Variants in RSF1 observed in about 807,000 individuals in gnomAD.
RSF1 encodes the protein remodeling and spacing factor 1, also known as HBV pX-associated protein 8.
Under a neutral mutation model 145.2 loss-of-function variants are expected in RSF1, and 13 were observed. The ratio of observed to expected loss-of-function variants is 0.09; its 90% CI spans 0.06 to 0.14. RSF1 has a LOEUF of 0.14. Among genes scored for constraint, RSF1 ranks in the 10% least tolerant of loss-of-function variants. The probability of loss-of-function intolerance (pLI) is 1.00; values close to 1 mark genes in which losing one functional copy is unlikely to be tolerated. For missense variants in RSF1, 1,517 were observed against 1,718.2 expected (o/e 0.88, Z 2.07); for synonymous variants, 577 against 592.6 (o/e 0.97, Z 0.38).
chr11:77,749,545 C>T (rs1032086938), intron 2 of RSF1, among the ~76,000 whole-genome samples: 5 of 152,218 alleles, frequency 3.3e-5, no homozygotes, highest in African/African-American at 1.2e-4. Flanking sequence ...TATGGAAGCA[C>T]AGCCAATGGC....
the RSF1 span, among the ~76,000 whole-genome samples, chr11:77,861,594 TGGGCCTTCCAGTGATTC>T: frequency 1.3e-5 from 2 of 152,210 alleles, no homozygotes; most frequent in Non-Finnish European, 2.9e-5. Context: ...CCTGGGGCAG[TGGGCCTTCCAGTGATTC>T]CCTTGACATA....
chr11:77,788,292 T>C (rs1391860906), intron 1 of RSF1, among the ~76,000 whole-genome samples: 1 of 143,214 alleles, frequency 7.0e-6, no homozygotes, highest in African/African-American at 2.6e-5. Context: ...GACCCAGAAA[T>C]TACTGGTAAT....
the RSF1 span, among the ~76,000 whole-genome samples, chr11:77,833,007 A>ATTT: frequency 1.0e-3 from 53 of 51,946 alleles, 5 homozygotes; most frequent in African/African-American, 3.5e-3. Context: ...GTATATATAT[A>ATTT]TATTTTTTTT....
chr11:77,713,933 C>G (rs1463968575), intron 5 of RSF1, among the ~76,000 whole-genome samples: 2 of 152,174 alleles, frequency 1.3e-5, no homozygotes, highest in African/African-American at 2.4e-5. Flanking sequence ...GAGATTTGAA[C>G]TTGCTCCCTT....
At chr11:77,813,425 G>T in intron 1 of RSF1, 2 of 1,210,530 alleles carry the variant, frequency 1.7e-6, no homozygotes, top group Non-Finnish European at 2.4e-6. Context: ...AGTCGCTTGT[G>T]GATTCTCATC....
At chr11:77,686,046 G>A (rs1959995486) in intron 9 of RSF1, among the ~76,000 whole-genome samples, 1 of 152,110 alleles carries the variant, frequency 6.6e-6, no homozygotes, top group Non-Finnish European at 1.5e-5. Context: ...AGGAAATACA[G>A]ACTTGAGCCA....
chr11:77,692,770 C>T (rs996713890), intron 8 of RSF1, among the ~76,000 whole-genome samples: 48 of 150,750 alleles, frequency 3.2e-4, no homozygotes, highest in African/African-American at 1.0e-3. Flanking sequence ...CTCTGTCTCC[C>T]GGGTTCAATC....
Position 77,701,945 on chromosome 11 carries a change from G to A in RSF1, c.1284C>T (p.Ile428=), listed in dbSNP as rs147338942. The change falls in exon 6 of 16, where the codon ATC becomes ATT. Residue 428 remains isoleucine, a synonymous_variant. Transcript: ENST00000308488. ...IKQEEETCKR[I]STITALGHEG... ...CATGACCCAAAGCAGTGATTGTAGAGATCCTTTTACAAGTCTCTTCCTCTT... is the reference window on the plus strand; with the variant it reads ...CATGACCCAAAGCAGTGATTGTAGAAATCCTTTTACAAGTCTCTTCCTCTT... 115 of 1,613,438 alleles carry A rather than the reference G, an allele frequency of 7.1e-5. No individual in the cohort carries two copies. Among genetic ancestry groups the A allele is most frequent in the Non-Finnish European group, 9.0e-5 (106 of 1,179,890 alleles).
intron 1 of RSF1, among the ~76,000 whole-genome samples, chr11:77,786,680 C>T (rs535625638): frequency 6.6e-6 from 1 of 152,242 alleles, no homozygotes; most frequent in Admixed American, 6.5e-5. Flanking sequence ...AGGCATATTA[C>T]ATCAAGATGG....
intron 5 of RSF1, among the ~76,000 whole-genome samples, chr11:77,720,609 G>A (rs1283786224): frequency 6.6e-6 from 1 of 152,142 alleles, no homozygotes; most frequent in African/African-American, 2.4e-5. Flanking sequence ...CTGATGCCAC[G>A]ACTAGCCCTA....
intron 15 of RSF1, 50 bp downstream of exon 15, chr11:77,671,992 G>T: frequency 1.4e-6 from 2 of 1,439,548 alleles, no homozygotes; most frequent in Non-Finnish European, 1.9e-6. Flanking sequence ...ACTTTATAAT[G>T]TCTATTTTGC....
intron 4 of RSF1, among the ~76,000 whole-genome samples, chr11:77,738,432 A>G (rs1471872862): frequency 6.6e-6 from 1 of 152,238 alleles, no homozygotes; most frequent in African/African-American, 2.4e-5. Flanking sequence ...TTTACAATGC[A>G]TTAAGTATTA....
chr11:77,787,181 T>C (rs1248670554), intron 1 of RSF1, among the ~76,000 whole-genome samples: 1 of 151,984 alleles, frequency 6.6e-6, no homozygotes, highest in Non-Finnish European at 1.5e-5. Context: ...ATAAAGGGAA[T>C]AGCACCCAAC....
rs942487786 is a variant in RSF1 at position 77,664,104 on chromosome 11, T to C, written c.*2813A>G. The C allele has an allele frequency of 5.3e-5, 8 of 152,194 alleles. No individual in the cohort carries two copies. The highest frequency in any genetic ancestry group is 6.6e-5 in the Admixed American group (1 of 15,264). 9.4% of individuals were successfully genotyped at this position (152,194 alleles called of 1,614,324 possible). ...TACAGAACATTTCGTTTTCTAAAAT[T>C]TTTTAACTTCTTCAGAATACCTTCA... On this transcript the variant is annotated 3_prime_UTR_variant, in exon 16 of 16. Transcript: ENST00000308488.
intron 4 of RSF1, among the ~76,000 whole-genome samples, chr11:77,733,839 G>A (rs1961268888): frequency 6.6e-6 from 1 of 152,174 alleles, no homozygotes; most frequent in African/African-American, 2.4e-5. Flanking sequence ...TGAGGTTATA[G>A]GTGTGAGCCA....
chr11:77,745,486 A>G (rs953320871), intron 3 of RSF1, among the ~76,000 whole-genome samples: 1 of 149,288 alleles, frequency 6.7e-6, no homozygotes, highest in Non-Finnish European at 1.5e-5. Flanking sequence ...ATTTCTCTCA[A>G]GAGTTTTAAA....
At position 77,740,934 on chromosome 11, in the gene RSF1, G is replaced by A. The variant is rs776618770; in HGVS notation, c.375C>T (p.Tyr125=). The stretch of plus-strand genomic sequence containing the variant: ...TGTCATCAAACTGACACTCACAGAG[G>A]TACTGAAAAATAGTCATAACATGAC... ...SVECKLALLK[Y]LCECQFDDNL... Residue 125 remains tyrosine, a splice_region_variant and synonymous_variant, in exon 4 of 16, where the codon TAC becomes TAT. Transcript: ENST00000308488. The A allele has an allele frequency of 7.5e-6, 12 of 1,610,138 alleles. No individual in the cohort carries two copies. The highest frequency in any genetic ancestry group is 5.1e-6 in the Non-Finnish European group (6 of 1,176,932).
the RSF1 span, among the ~76,000 whole-genome samples, chr11:77,857,748 G>C: frequency 6.6e-6 from 1 of 150,676 alleles, no homozygotes; most frequent in East Asian, 1.9e-4. Flanking sequence ...CCAGGCTGGA[G>C]GGCATTGGCG....
In RSF1 at chr11:77,702,348, T is replaced by C. The variant is rs1287733035; in HGVS notation, c.881A>G (p.Lys294Arg). ...KELVKLPVIV[K>R]LEKPLPENEE... Reference sequence around the variant, plus strand: ...ATTTTCTGGCAAAGGTTTTTCTAGCTTCACTATGACTGGCAGTTTCACAAG... The same window carrying C: ...ATTTTCTGGCAAAGGTTTTTCTAGCCTCACTATGACTGGCAGTTTCACAAG... Residue 294 changes from lysine (K) to arginine (R), a missense_variant, in exon 6 of 16, where the codon AAG becomes AGG. By Grantham distance (26) the Lys-to-Arg change is conservative. Coordinates refer to ENST00000308488, the MANE Select transcript of RSF1 (RefSeq NM_016578.4). 6.2e-7 allele frequency: 1 copy of C among 1,611,970 alleles called. No individual in the cohort carries two copies. Among genetic ancestry groups the C allele is most frequent in the South Asian group, 1.1e-5 (1 of 90,364 alleles).
Sources: gnomAD v4.1 joint callset for allele counts (sites outside exome capture counted in the v4.1 genomes callset) on GRCh38, gnomAD v4.1.1 for gene constraint, MANE v1.5 for transcripts, NCBI Gene and HGNC (gene_info 2026-07-23, HGNC 2026-07-21) for gene names.